Variants in ZNF521 observed in about 807,000 individuals in gnomAD.
ZNF521 encodes the protein zinc finger protein 521.
In ZNF521, 14 loss-of-function variants were observed where a neutral mutation model predicts 105.5. The observed-to-expected ratio is 0.13, with a 90% CI of 0.09 to 0.21. The LOEUF is 0.21. ZNF521 is among the 10% of genes least tolerant of loss of function. ZNF521 has a pLI of 1.00. For missense variants in ZNF521, 1,233 were observed against 1,629.7 expected, an observed-to-expected ratio of 0.76 and a Z score of 4.19; for synonymous variants, 635 against 606.0, an observed-to-expected ratio of 1.05 and a Z score of -0.70.
chr18:25,303,820 A>G (rs946388157), intron 3 of ZNF521, among the ~76,000 whole-genome samples: 1 of 152,138 alleles, frequency 6.6e-6, no homozygotes, highest in Non-Finnish European at 1.5e-5. Context: ...CAACACAAAG[A>G]TATTTGGTTA....
chr18:25,275,575 A>C (rs1484562369), intron 3 of ZNF521, among the ~76,000 whole-genome samples: 1 of 152,216 alleles, frequency 6.6e-6, no homozygotes, highest in African/African-American at 2.4e-5. Context: ...TACTTTCAAA[A>C]TACACATTTT....
intron 3 of ZNF521, among the ~76,000 whole-genome samples, chr18:25,242,234 T>C (rs891140489): frequency 2.6e-5 from 4 of 152,212 alleles, no homozygotes; most frequent in Non-Finnish European, 5.9e-5. Context: ...CAATAGCCTG[T>C]GTCATCAACC....
In ZNF521 at chr18:25,318,952, GA is replaced by G. The variant is rs201816993; in HGVS notation, c.220+3055del. 6.2e-3 allele frequency among the ~76,000 whole-genome samples: 473 copies of G among 76,006 alleles called. 1 individual carries two copies. Among genetic ancestry groups the G allele is most frequent in the African/African-American group, 9.6e-3 (268 of 28,038 alleles). 49.9% of individuals were successfully genotyped at this position (76,006 alleles called of 152,430 possible). ...TCATAAAGAACCAGGAGAAAAAAAA[GA>G]AAAAAAAAAAAGAAAAGAAAAGAAA... On this transcript the variant is annotated intron_variant, in intron 3 of 7. Coordinates refer to ENST00000361524, the MANE Select transcript of ZNF521 (RefSeq NM_015461.3).
intron 3 of ZNF521, among the ~76,000 whole-genome samples, chr18:25,239,044 T>C (rs1003125489): frequency 1.1e-4 from 16 of 152,166 alleles, no homozygotes; most frequent in African/African-American, 3.4e-4. Flanking sequence ...TGGAACATCA[T>C]TGATGGAGGG....
chr18:25,161,241 CCA>C (rs1489236143), intron 5 of ZNF521, among the ~76,000 whole-genome samples: 1 of 152,128 alleles, frequency 6.6e-6, no homozygotes. Flanking sequence ...CACACACATA[CCA>C]CACACACGGT....
intron 4 of ZNF521, among the ~76,000 whole-genome samples, chr18:25,212,089 A>G (rs752129224): frequency 1.3e-5 from 2 of 152,224 alleles, no homozygotes; most frequent in Non-Finnish European, 2.9e-5. Context: ...TAAATTGACT[A>G]GAAAATGGGA....
intron 2 of ZNF521, among the ~76,000 whole-genome samples, chr18:25,329,696 A>G (rs1440168049): frequency 6.6e-6 from 1 of 152,166 alleles, no homozygotes; most frequent in Non-Finnish European, 1.5e-5. Flanking sequence ...CTGTGAGTGT[A>G]ATGTCCAGAT....
At chr18:25,320,938 T>C (rs1029369396) in intron 3 of ZNF521, among the ~76,000 whole-genome samples, 3 of 152,236 alleles carry the variant, frequency 2.0e-5, no homozygotes, top group African/African-American at 7.2e-5. Context: ...AAGGCACTTT[T>C]AATAAAGAAG....
At chr18:25,121,556 G>A (rs186826434) in intron 5 of ZNF521, among the ~76,000 whole-genome samples, 1 of 152,004 alleles carries the variant, frequency 6.6e-6, no homozygotes, top group Non-Finnish European at 1.5e-5. Flanking sequence ...CAGCCAGAAA[G>A]TCTTAAAAAA....
chr18:25,331,318 T>TA (rs57412730), intron 2 of ZNF521, among the ~76,000 whole-genome samples: 47,395 of 148,362 alleles, frequency 0.32, 7,527 homozygotes, highest in Middle Eastern at 0.4. Context: ...TTAAAACTGC[T>TA]AAAAAAAAAA....
intron 3 of ZNF521, among the ~76,000 whole-genome samples, chr18:25,287,917 T>C (rs1910795467): frequency 6.6e-6 from 1 of 152,192 alleles, no homozygotes; most frequent in African/African-American, 2.4e-5. Flanking sequence ...CAATGGACTT[T>C]CACAGAACTC....
At chr18:25,322,464 AT>A (rs1912983434) in intron 2 of ZNF521, 4 of 373,200 alleles carry the variant, frequency 1.1e-5, no homozygotes, top group African/African-American at 4.6e-5. Context: ...TGACTTTACC[AT>A]TTTTTTCATA....
intron 3 of ZNF521, among the ~76,000 whole-genome samples, chr18:25,248,182 ACT>A (rs768830328): frequency 1.3e-5 from 2 of 152,060 alleles, no homozygotes; most frequent in Non-Finnish European, 2.9e-5. Flanking sequence ...TTAAAAGAAG[ACT>A]CTATTTTGGC....
chr18:25,237,460 T>C (rs1906989036), intron 3 of ZNF521, among the ~76,000 whole-genome samples: 2 of 152,072 alleles, frequency 1.3e-5, no homozygotes, highest in Admixed American at 6.5e-5. Flanking sequence ...ATAACACATA[T>C]TATCTGAGAT....
chr18:25,253,982 A>T (rs996451387), intron 3 of ZNF521, among the ~76,000 whole-genome samples: 2 of 152,174 alleles, frequency 1.3e-5, no homozygotes, highest in African/African-American at 4.8e-5. Context: ...CTTACTTGGC[A>T]TGAACAAGGT....
intron 4 of ZNF521, among the ~76,000 whole-genome samples, chr18:25,198,458 A>T (rs1002125289): frequency 2.0e-5 from 3 of 151,806 alleles, no homozygotes; most frequent in Non-Finnish European, 4.4e-5. Context: ...ATTAGGACTC[A>T]GACTTCACAT....
chr18:25,311,822 C>T (rs1912327073), intron 3 of ZNF521, among the ~76,000 whole-genome samples: 1 of 152,240 alleles, frequency 6.6e-6, no homozygotes, highest in African/African-American at 2.4e-5. Flanking sequence ...ACAACTAAGG[C>T]AAAACAATTT....
intron 5 of ZNF521, among the ~76,000 whole-genome samples, chr18:25,159,262 A>G (rs558574212): frequency 6.6e-6 from 1 of 152,264 alleles, no homozygotes; most frequent in South Asian, 2.1e-4. Context: ...AAGTGAGGTA[A>G]ACAGTTTCTT....
intron 4 of ZNF521, among the ~76,000 whole-genome samples, chr18:25,212,028 T>C (rs1009107913): frequency 3.3e-5 from 5 of 152,210 alleles, no homozygotes; most frequent in Non-Finnish European, 7.3e-5. Flanking sequence ...GAAATCTCTG[T>C]GTGGTTCTGT....
Sources: gnomAD v4.1 joint callset for allele counts (sites outside exome capture counted in the v4.1 genomes callset) on GRCh38, gnomAD v4.1.1 for gene constraint, MANE v1.5 for transcripts, NCBI Gene and HGNC (gene_info 2026-07-23, HGNC 2026-07-21) for gene names.